Variants in DIAPH3 observed in about 807,000 individuals in gnomAD.
DIAPH3 encodes the protein protein diaphanous homolog 3.
In DIAPH3, 117 loss-of-function variants were observed where a neutral mutation model predicts 144.3. The ratio of observed to expected loss-of-function variants is 0.81; its 90% confidence interval spans 0.70 to 0.95. The LOEUF (loss-of-function observed/expected upper bound fraction) is 0.95, where lower values mean the gene tolerates loss of function less well. Among genes scored for constraint, DIAPH3 ranks in the 40% least tolerant of loss-of-function variants. The pLI is 0.00. For synonymous variants in DIAPH3, 519 were observed against 488.9 expected (o/e 1.06, Z -0.81); for missense variants, 1,421 against 1,412.7 (o/e 1.01, Z -0.09).
intron 9 of DIAPH3, among the ~76,000 whole-genome samples, chr13:59,994,639 A>C (rs1594265153): frequency 6.6e-6 from 1 of 152,008 alleles, no homozygotes; most frequent in East Asian, 1.9e-4. Context: ...ATAAAGTACT[A>C]ACTAAAGGAT....
At chr13:59,856,961 CA>C (rs1454765840) in intron 22 of DIAPH3, among the ~76,000 whole-genome samples, 1 of 151,250 alleles carries the variant, frequency 6.6e-6, no homozygotes, top group Non-Finnish European at 1.5e-5. Context: ...TTTGAAAGAC[CA>C]AATAATATAT....
At chr13:60,007,205 T>C (rs965283486) in intron 9 of DIAPH3, among the ~76,000 whole-genome samples, 3 of 151,916 alleles carry the variant, frequency 2.0e-5, no homozygotes, top group Non-Finnish European at 4.4e-5. Flanking sequence ...GCACCTGCCA[T>C]CATGCCCGGC....
chr13:59,684,046 G>GGGA (rs1350493248), intron 27 of DIAPH3, among the ~76,000 whole-genome samples: 2 of 151,628 alleles, frequency 1.3e-5, no homozygotes, highest in Non-Finnish European at 2.9e-5. Context: ...ATTCTGCAGG[G>GGGA]GGAGGAAAAA....
chr13:59,852,619 TA>T (rs2043041929), intron 22 of DIAPH3, among the ~76,000 whole-genome samples: 1 of 152,198 alleles, frequency 6.6e-6, no homozygotes, highest in Non-Finnish European at 1.5e-5. Context: ...GTCCAACTCG[TA>T]AAAATGCATT....
intron 14 of DIAPH3, among the ~76,000 whole-genome samples, chr13:59,978,386 C>A (rs937189462): frequency 4.6e-5 from 7 of 151,522 alleles, no homozygotes; most frequent in Admixed American, 4.6e-4. Flanking sequence ...AAATTACGTT[C>A]TTATGAGAGT....
At chr13:60,010,229 A>G (rs1029024231) in intron 8 of DIAPH3, among the ~76,000 whole-genome samples, 2 of 152,202 alleles carry the variant, frequency 1.3e-5, no homozygotes, top group Non-Finnish European at 2.9e-5. Context: ...AACCATTTGT[A>G]TATTTTCAAA....
At chr13:59,735,830 G>T (rs1487038076) in intron 27 of DIAPH3, among the ~76,000 whole-genome samples, 3 of 152,060 alleles carry the variant, frequency 2.0e-5, no homozygotes, top group Non-Finnish European at 4.4e-5. Flanking sequence ...GGATGTGCAG[G>T]TTTGTTACAT....
intron 20 of DIAPH3, among the ~76,000 whole-genome samples, chr13:59,890,416 T>C (rs2045714856): frequency 6.6e-6 from 1 of 152,140 alleles, no homozygotes; most frequent in Non-Finnish European, 1.5e-5. Context: ...TTTTCTCTAC[T>C]GGCTGCTCAC....
At chr13:60,121,944 T>G (rs1009634505) in intron 2 of DIAPH3, among the ~76,000 whole-genome samples, 1 of 152,120 alleles carries the variant, frequency 6.6e-6, no homozygotes, top group Non-Finnish European at 1.5e-5. Context: ...ACCTGCCTCC[T>G]AGCCTTCTAA....
chr13:60,106,847 C>T (rs1276650112), intron 3 of DIAPH3, among the ~76,000 whole-genome samples: 1 of 152,032 alleles, frequency 6.6e-6, no homozygotes, highest in Non-Finnish European at 1.5e-5. Flanking sequence ...TGTTTACTTG[C>T]AAAACTTAAA....
At chr13:59,805,076 A>C (rs2040123972) in intron 25 of DIAPH3, among the ~76,000 whole-genome samples, 1 of 152,164 alleles carries the variant, frequency 6.6e-6, no homozygotes, top group African/African-American at 2.4e-5. Flanking sequence ...AAGTTGCACC[A>C]AATGAGACAT....
At chr13:59,710,986 C>A (rs1361789409) in intron 27 of DIAPH3, among the ~76,000 whole-genome samples, 1 of 152,104 alleles carries the variant, frequency 6.6e-6, no homozygotes, top group African/African-American at 2.4e-5. Context: ...TATAATGCAC[C>A]CTGGCCAAGA....
intron 4 of DIAPH3, among the ~76,000 whole-genome samples, chr13:60,064,793 G>A (rs757206399): frequency 1.3e-5 from 2 of 152,120 alleles, no homozygotes; most frequent in Non-Finnish European, 2.9e-5. Context: ...CTATCTCAGC[G>A]AGTTGACACA....
intron 2 of DIAPH3, among the ~76,000 whole-genome samples, chr13:60,122,922 T>C (rs1325482307): frequency 6.6e-6 from 1 of 152,066 alleles, no homozygotes; most frequent in Non-Finnish European, 1.5e-5. Flanking sequence ...ATTGCATATA[T>C]TTAAATATTA....
intron 27 of DIAPH3, among the ~76,000 whole-genome samples, chr13:59,746,555 CTT>C (rs1233032015): frequency 2.6e-5 from 4 of 152,168 alleles, no homozygotes; most frequent in Admixed American, 2.6e-4. Context: ...ACCCTCAAGA[CTT>C]TAACCCTGTT....
At chr13:59,775,332 T>C (rs1020275942) in intron 25 of DIAPH3, among the ~76,000 whole-genome samples, 1 of 152,004 alleles carries the variant, frequency 6.6e-6, no homozygotes, top group African/African-American at 2.4e-5. Flanking sequence ...AAGCCCTGCC[T>C]TCCAGGTTTA....
chr13:60,139,320 G>A (rs1010942057), intron 1 of DIAPH3, among the ~76,000 whole-genome samples: 6 of 152,196 alleles, frequency 3.9e-5, no homozygotes, highest in South Asian at 2.1e-4. Flanking sequence ...GGAAAAAAGT[G>A]AAAGGGGAGA....
chr13:59,820,938 A>C (rs2041036736), intron 24 of DIAPH3, among the ~76,000 whole-genome samples: 1 of 151,652 alleles, frequency 6.6e-6, no homozygotes, highest in Non-Finnish European at 1.5e-5. Flanking sequence ...CCAACTCAAC[A>C]TTTTTCAACA....
intron 27 of DIAPH3, among the ~76,000 whole-genome samples, chr13:59,697,426 C>G (rs988214665): frequency 3.1e-5 from 4 of 127,132 alleles, no homozygotes; most frequent in Non-Finnish European, 3.1e-5. Context: ...CGCCACTGCA[C>G]TCCAGCCTGG....
Sources: gnomAD v4.1 joint callset for allele counts (sites outside exome capture counted in the v4.1 genomes callset) on GRCh38, gnomAD v4.1.1 for gene constraint, MANE v1.5 for transcripts, NCBI Gene and HGNC (gene_info 2026-07-23, HGNC 2026-07-21) for gene names.